The following TYW1B variants were observed in gnomAD, a reference collection of about 807,000 sequenced individuals.
TYW1B encodes S-adenosyl-L-methionine-dependent tRNA 4-demethylwyosine synthase TYW1B.
Under a neutral mutation model 86.9 loss-of-function variants are expected in TYW1B, and 73 were observed. The observed-to-expected ratio is 0.84, with a 90% CI of 0.70 to 1.02. The LOEUF is 1.02. TYW1B is among the 50% of genes least tolerant of loss of function. The pLI, the probability that TYW1B is intolerant of heterozygous loss-of-function variation, is 0.00. For synonymous variants in TYW1B, 248 were observed against 292.8 expected (o/e 0.85, Z 1.56); for missense variants, 637 against 827.4 (o/e 0.77, Z 2.82).
At chr7:72,814,737 G>A (rs1262385800) in intron 3 of TYW1B, among the ~76,000 whole-genome samples, 3 of 151,852 alleles carry the variant, frequency 2.0e-5, no homozygotes, top group African/African-American at 7.3e-5. Context: ...GAGAGAATGA[G>A]AGCCTGTCTC....
rs1373448615 is a variant in TYW1B at position 72,796,251 on chromosome 7, T to C, written c.846+6149A>G. The stretch of plus-strand genomic sequence containing the variant: ...TGAGCCGCACACAGACTGATTTTTT[T>C]TTTTTTTTTTGAGATGGAGTCTCGC... On this transcript the variant is annotated intron_variant, in intron 6 of 13. Coordinates refer to ENST00000620995, the MANE Select transcript of TYW1B (RefSeq NM_001145440.3). Among the ~76,000 whole-genome samples, 2 of 68,544 alleles carry C rather than the reference T, an allele frequency of 2.9e-5. 1 individual carries two copies. Among genetic ancestry groups the C allele is most frequent in the Non-Finnish European group, 7.9e-5 (2 of 25,386 alleles). The allele number at this position is 68,544 out of a possible 152,430, so 45.0% of individuals were successfully genotyped here. A position where few individuals can be genotyped will look rare whatever the true frequency, so the allele number is the denominator to read the frequency against.
intron 11 of TYW1B, among the ~76,000 whole-genome samples, chr7:72,677,397 C>T (rs1813760242): frequency 6.6e-6 from 1 of 152,086 alleles, no homozygotes; most frequent in African/African-American, 2.4e-5. Flanking sequence ...ATCCTCCCAC[C>T]TTGGCCTCCC....
In TYW1B at chr7:72,684,411, C is replaced by T. The variant is rs556879140; in HGVS notation, c.1506+10276G>A. On this transcript the variant is annotated intron_variant, in intron 11 of 13. Transcript: ENST00000620995. ...CCCAGAAACCATGCAAGCAAGGAGA[C>T]GGCAGGGTGAAATATTTAAGTACTG... Among the ~76,000 whole-genome samples the T allele has an allele frequency of 7.0e-4, 107 of 152,108 alleles. 1 individual carries two copies. Among genetic ancestry groups the T allele is most frequent in the Non-Finnish European group, 8.4e-4 (57 of 67,992 alleles).
At chr7:72,578,239 G>A (rs540222188) in intron 13 of TYW1B, among the ~76,000 whole-genome samples, 146 of 150,884 alleles carry the variant, frequency 9.7e-4, no homozygotes, top group Non-Finnish European at 1.8e-3. Flanking sequence ...TCAGCCTCCC[G>A]AGTAGCTGGG....
intron 7 of TYW1B, among the ~76,000 whole-genome samples, chr7:72,752,704 C>G (rs571356402): frequency 2.6e-5 from 4 of 151,808 alleles, no homozygotes; most frequent in Non-Finnish European, 5.9e-5. Flanking sequence ...GCACTCCAGC[C>G]TGGGCGACAG....
chr7:72,635,983 A>G (rs1187309382), intron 11 of TYW1B, among the ~76,000 whole-genome samples: 2 of 152,220 alleles, frequency 1.3e-5, no homozygotes, highest in Non-Finnish European at 2.9e-5. Context: ...TGTTTCAAGT[A>G]CTCAATGGTC....
chr7:72,607,835 T>TG (rs1811840809), intron 13 of TYW1B, among the ~76,000 whole-genome samples: 1 of 152,196 alleles, frequency 6.6e-6, no homozygotes, highest in African/African-American at 2.4e-5. Flanking sequence ...GGCATATACC[T>TG]GCAGATTCAG....
chr7:72,776,828 T>A (rs1384812774), intron 7 of TYW1B, among the ~76,000 whole-genome samples: 2 of 151,710 alleles, frequency 1.3e-5, no homozygotes, highest in African/African-American at 4.8e-5. Flanking sequence ...CAAATATATA[T>A]ATATATTTCT....
intron 11 of TYW1B, among the ~76,000 whole-genome samples, chr7:72,649,399 C>G (rs1380614419): frequency 5.9e-5 from 9 of 152,144 alleles, no homozygotes; most frequent in Admixed American, 1.3e-4. Flanking sequence ...CTACAGAATA[C>G]TAAACAGAAA....
At chr7:72,794,018 G>A (rs1788264864) in intron 6 of TYW1B, among the ~76,000 whole-genome samples, 1 of 152,166 alleles carries the variant, frequency 6.6e-6, no homozygotes, top group Non-Finnish European at 1.5e-5. Context: ...ACGTACGGCT[G>A]CTGCCTAGGA....
At chr7:72,804,025 C>T (rs1260249753) in intron 5 of TYW1B, among the ~76,000 whole-genome samples, 1 of 151,850 alleles carries the variant, frequency 6.6e-6, no homozygotes, top group African/African-American at 2.4e-5. Flanking sequence ...TGGCTCACTC[C>T]TGTAATCCCA....
At position 72,709,629 on chromosome 7, in the gene TYW1B, T is replaced by C. The variant is rs188776213; in HGVS notation, c.1370+3992A>G. On this transcript the variant is annotated intron_variant, in intron 10 of 13. Coordinates refer to ENST00000620995, the MANE Select transcript of TYW1B (RefSeq NM_001145440.3). The stretch of plus-strand genomic sequence containing the variant: ...CTTGTAGTGAGCCGAGATGGCGCCA[T>C]TGCACTCTAGCCTGGGTGACAGAGC... 2.7e-3 allele frequency among the ~76,000 whole-genome samples: 410 copies of C among 152,126 alleles called. 1 individual carries two copies. The highest frequency in any genetic ancestry group is 4.2e-3 in the African/African-American group (175 of 41,518).
At chr7:72,751,378 C>T (rs1019796808) in intron 7 of TYW1B, among the ~76,000 whole-genome samples, 1 of 152,164 alleles carries the variant, frequency 6.6e-6, no homozygotes, top group African/African-American at 2.4e-5. Flanking sequence ...GTTCACCAAT[C>T]GTACTATTGA....
In TYW1B at chr7:72,694,716, G is replaced by T; in HGVS notation, c.1477C>A (p.Leu493Ile). The change falls in exon 11 of 14, where the codon CTT (leucine) becomes ATT (isoleucine). Residue 493 changes from leucine to isoleucine, a missense_variant. Leu to Ile is a conservative substitution (Grantham distance 5). Transcript: ENST00000620995. ...PLFKDFWQQF[L>I]DSLKALAVKQ... ...ACTGCCAAGGCTTTTAAACTGTCAA[G>T]GAATTGCTGCCAGAAATCCTTGAAG... 1 of 1,613,420 alleles carries T rather than the reference G, an allele frequency of 6.2e-7. No homozygotes were observed. The highest frequency in any genetic ancestry group is 8.5e-7 in the Non-Finnish European group (1 of 1,179,852).
At chr7:72,730,886 A>G (rs1787091623) in intron 8 of TYW1B, among the ~76,000 whole-genome samples, 1 of 150,652 alleles carries the variant, frequency 6.6e-6, no homozygotes, top group South Asian at 2.1e-4. Context: ...AGATATGGAC[A>G]TTCAGATCAA....
chr7:72,764,518 T>A (rs1554467973), intron 7 of TYW1B, among the ~76,000 whole-genome samples: 1 of 152,190 alleles, frequency 6.6e-6, no homozygotes. Flanking sequence ...CCTAACCTCG[T>A]CATCCGCCCA....
chr7:72,816,680 A>G (rs13307812), intron 2 of TYW1B, among the ~76,000 whole-genome samples: 1 of 152,202 alleles, frequency 6.6e-6, no homozygotes, highest in African/African-American at 2.4e-5. Context: ...GAGAACACTA[A>G]GGAAAGAAGA....
intron 8 of TYW1B, among the ~76,000 whole-genome samples, chr7:72,743,128 A>G (rs557866016): frequency 1.3e-5 from 2 of 152,320 alleles, no homozygotes; most frequent in South Asian, 4.1e-4. Context: ...TTGGAAATGG[A>G]GAAGGAAAAT....
chr7:72,740,813 C>T (rs1357079872), intron 8 of TYW1B, among the ~76,000 whole-genome samples: 2 of 150,158 alleles, frequency 1.3e-5, no homozygotes, highest in Non-Finnish European at 2.9e-5. Flanking sequence ...TCACTGCAAG[C>T]TCCACCTCCC....
Sources: gnomAD v4.1 joint callset for allele counts (sites outside exome capture counted in the v4.1 genomes callset) on GRCh38, gnomAD v4.1.1 for gene constraint, MANE v1.5 for transcripts, NCBI Gene and HGNC (gene_info 2026-07-23, HGNC 2026-07-21) for gene names.